The following GABRA5 variants were observed in gnomAD, a reference collection of about 807,000 sequenced individuals.
GABRA5 encodes the protein gamma-aminobutyric acid receptor subunit alpha-5.
Under a neutral mutation model 47.3 loss-of-function variants are expected in GABRA5, and 18 were observed. That is an observed-to-expected ratio of 0.38 (90% confidence interval 0.26 to 0.56). GABRA5 has a LOEUF of 0.56. Among genes scored for constraint, GABRA5 ranks in the 20% least tolerant of loss-of-function variants. The pLI, the probability that GABRA5 is intolerant of heterozygous loss-of-function variation, is 0.71. For missense variants in GABRA5, 365 were observed against 599.3 expected (o/e 0.61, Z 4.08); for synonymous variants, 237 against 229.3 (o/e 1.03, Z -0.30).
chr15:26,886,082 C>T (rs1264194532), intron 6 of GABRA5, among the ~76,000 whole-genome samples: 11 of 152,216 alleles, frequency 7.2e-5, no homozygotes, highest in Middle Eastern at 3.4e-3. Context: ...TACAATGGCA[C>T]GATCTCGGTT....
chr15:26,869,880 AC>A (rs1892421024), intron 3 of GABRA5, among the ~76,000 whole-genome samples: 1 of 152,170 alleles, frequency 6.6e-6, no homozygotes, highest in Admixed American at 6.5e-5. Flanking sequence ...TCTGAAAGAC[AC>A]CCCTGAGGTT....
chr15:26,874,718 G>C (rs958782869), intron 3 of GABRA5, among the ~76,000 whole-genome samples: 1 of 152,166 alleles, frequency 6.6e-6, no homozygotes, highest in Non-Finnish European at 1.5e-5. Context: ...AGTGAAACAG[G>C]CTTCAGCAGT....
chr15:26,893,863 T>C (rs1893104730), intron 6 of GABRA5, among the ~76,000 whole-genome samples: 1 of 151,862 alleles, frequency 6.6e-6, no homozygotes. Context: ...GGCGTCAGAG[T>C]GCAAGATGTG....
intron 10 of GABRA5, among the ~76,000 whole-genome samples, chr15:26,945,276 C>T (rs1241599372): frequency 6.6e-6 from 1 of 152,186 alleles, no homozygotes; most frequent in Non-Finnish European, 1.5e-5. Flanking sequence ...CTGGCGCGAG[C>T]GTGAATACCA....
At chr15:26,919,364 A>G (rs1893790789) in intron 7 of GABRA5, among the ~76,000 whole-genome samples, 1 of 148,556 alleles carries the variant, frequency 6.7e-6, no homozygotes, top group South Asian at 2.1e-4. Flanking sequence ...TTTTTTTTGT[A>G]TTGATATGCT....
chr15:26,891,475 A>C (rs1893004299), intron 6 of GABRA5, among the ~76,000 whole-genome samples: 1 of 152,172 alleles, frequency 6.6e-6, no homozygotes, highest in African/African-American at 2.4e-5. Flanking sequence ...TATAGCAAGC[A>C]TGCAACAGGA....
At chr15:26,879,406 G>A (rs1595394794) in intron 3 of GABRA5, among the ~76,000 whole-genome samples, 1 of 152,164 alleles carries the variant, frequency 6.6e-6, no homozygotes, top group African/African-American at 2.4e-5. Context: ...TTTCCGAAGT[G>A]TGCAACTACC....
chr15:26,888,046 A>C (rs908685909), intron 6 of GABRA5, among the ~76,000 whole-genome samples: 1 of 152,210 alleles, frequency 6.6e-6, no homozygotes, highest in Admixed American at 6.5e-5. Context: ...AGAGTTACAC[A>C]CAATTGAGTG....
chr15:26,870,176 A>G (rs1373219494), intron 3 of GABRA5, among the ~76,000 whole-genome samples: 1 of 152,222 alleles, frequency 6.6e-6, no homozygotes, highest in Non-Finnish European at 1.5e-5. Context: ...CAGCCTATCC[A>G]CATTTATGTA....
intron 8 of GABRA5, 149 bp from the exon 9 acceptor site, chr15:26,939,776 C>T: frequency 1.4e-6 from 1 of 697,756 alleles, no homozygotes; most frequent in Non-Finnish European, 2.4e-6. Flanking sequence ...ATTCATGCAT[C>T]CTCCTGTGTC....
chr15:26,911,912 C>A (rs1893604501), intron 6 of GABRA5, among the ~76,000 whole-genome samples: 1 of 152,176 alleles, frequency 6.6e-6, no homozygotes, highest in Non-Finnish European at 1.5e-5. Context: ...CATATCCACC[C>A]TGACGATGGC....
At chr15:26,880,128 A>G (rs996169834) in intron 3 of GABRA5, among the ~76,000 whole-genome samples, 3 of 152,316 alleles carry the variant, frequency 2.0e-5, no homozygotes, top group East Asian at 3.9e-4. Flanking sequence ...CTCATATTAC[A>G]TAAGCTTTTG....
At chr15:26,893,012 G>T (rs1164245879) in intron 6 of GABRA5, among the ~76,000 whole-genome samples, 6 of 149,844 alleles carry the variant, frequency 4.0e-5, no homozygotes, top group Non-Finnish European at 3.0e-5. Context: ...GTAGTGTGTT[G>T]TGTTTATGGT....
chr15:26,941,413 G>A (rs1223833462), intron 9 of GABRA5, among the ~76,000 whole-genome samples: 1 of 151,950 alleles, frequency 6.6e-6, no homozygotes, highest in Non-Finnish European at 1.5e-5. Context: ...CACTTCCCCC[G>A]CAACACAGTG....
intron 7 of GABRA5, among the ~76,000 whole-genome samples, chr15:26,919,199 C>T (rs191400552): frequency 7.2e-5 from 11 of 152,226 alleles, no homozygotes; most frequent in Admixed American, 2.6e-4. Flanking sequence ...TCCATTCAAA[C>T]TCTCTTGTGT....
intron 10 of GABRA5, among the ~76,000 whole-genome samples, chr15:26,945,799 G>C (rs1294078705): frequency 6.6e-6 from 1 of 152,144 alleles, no homozygotes; most frequent in African/African-American, 2.4e-5. Flanking sequence ...AGTCCCAGGC[G>C]GGTGCTCCCT....
In GABRA5 at chr15:26,880,972, G is replaced by A. The variant is rs1312681495; in HGVS notation, c.208+5G>A. On this transcript the variant is annotated splice_donor_5th_base_variant and intron_variant, in intron 4 of 10. Coordinates refer to ENST00000335625, the MANE Select transcript of GABRA5 (RefSeq NM_000810.4). ...GACTTCGGCCCGGGCTGGGAGGTGA[G>A]TGTGCTCTCCTCAGCTGAGCCCAGC... 1.9e-6 allele frequency: 3 copies of A among 1,613,710 alleles called. No individual in the cohort carries two copies. The highest frequency in any genetic ancestry group is 2.5e-6 in the Non-Finnish European group (3 of 1,179,744).
At chr15:26,880,663 T>C in intron 3 of GABRA5, 183 bp from the exon 4 acceptor site, 2 of 522,370 alleles carry the variant, frequency 3.8e-6, no homozygotes, top group Non-Finnish European at 6.7e-6. Context: ...CAGAGTATCC[T>C]TGGATGTTGG....
chr15:26,875,026 ATCTCAATGTGGGATTAATCATGGG>A (rs776282043), intron 3 of GABRA5, among the ~76,000 whole-genome samples: 36 of 152,302 alleles, frequency 2.4e-4, no homozygotes, highest in South Asian at 1.9e-3. Flanking sequence ...TCAGTTTCTA[ATCTCAATGTGGGATTAATCATGGG>A]TCTCAATGTG....
Sources: gnomAD v4.1 joint callset for allele counts (sites outside exome capture counted in the v4.1 genomes callset) on GRCh38, gnomAD v4.1.1 for gene constraint, MANE v1.5 for transcripts, NCBI Gene and HGNC (gene_info 2026-07-23, HGNC 2026-07-21) for gene names.